The following KIAA0319 variants were observed in gnomAD, a reference collection of about 807,000 sequenced individuals.
KIAA0319 encodes the protein KIAA0319.
A neutral mutation model predicts 108.4 loss-of-function variants in KIAA0319; 83 were observed. That is an observed-to-expected ratio of 0.77 (90% CI 0.64 to 0.92). KIAA0319 has a LOEUF of 0.92. Ranked by LOEUF, KIAA0319 falls within the 40% of genes least tolerant of loss-of-function variation. KIAA0319 has a pLI of 0.00. For missense variants in KIAA0319, 1,195 were observed against 1,322.4 expected, an observed-to-expected ratio of 0.90 and a Z score of 1.49; for synonymous variants, 484 against 510.4, an observed-to-expected ratio of 0.95 and a Z score of 0.70.
intron 1 of KIAA0319, among the ~76,000 whole-genome samples, chr6:24,629,523 A>AAAAAAAAAAAAAAAAAAAG (rs1472154248): frequency 2.0e-5 from 3 of 147,782 alleles, no homozygotes; most frequent in Non-Finnish European, 4.5e-5. Flanking sequence ...TCAAAAAAAA[A>AAAAAAAAAAAAAAAAAAAG]AAAAAAAAGA....
chr6:24,635,873 TC>T (rs1776140001), intron 1 of KIAA0319, among the ~76,000 whole-genome samples: 1 of 152,234 alleles, frequency 6.6e-6, no homozygotes, highest in African/African-American at 2.4e-5. Flanking sequence ...GGCAAGTTGT[TC>T]CGTAGCAATA....
downstream of KIAA0319, among the ~76,000 whole-genome samples, chr6:24,541,419 TCA>T (rs947990313): frequency 6.6e-6 from 1 of 152,192 alleles, no homozygotes; most frequent in African/African-American, 2.4e-5. Flanking sequence ...ACTTAATTAA[TCA>T]CATCTCTTTA....
At chr6:24,625,694 A>C (rs1774617890) in intron 1 of KIAA0319, among the ~76,000 whole-genome samples, 2 of 152,246 alleles carry the variant, frequency 1.3e-5, no homozygotes, top group South Asian at 4.1e-4. Flanking sequence ...GTCCACAAAA[A>C]TATGACTAGA....
chr6:24,549,466 G>A (rs1761142820), intron 20 of KIAA0319, among the ~76,000 whole-genome samples: 1 of 152,100 alleles, frequency 6.6e-6, no homozygotes, highest in African/African-American at 2.4e-5. Context: ...AGAACTGTGG[G>A]TAATAAATAT....
intron 3 of KIAA0319, 118 bp from the exon 4 acceptor site, chr6:24,588,903 T>C: frequency 1.3e-6 from 1 of 787,820 alleles, no homozygotes; most frequent in South Asian, 1.8e-5. Context: ...TGAAAAACCA[T>C]GAATAATATT....
chr6:24,578,749 T>A (rs1765911467), intron 8 of KIAA0319, among the ~76,000 whole-genome samples: 1 of 152,138 alleles, frequency 6.6e-6, no homozygotes, highest in African/African-American at 2.4e-5. Flanking sequence ...AGAACAAACA[T>A]AATGTGCCAT....
chr6:24,636,545 T>C (rs1177322438), intron 1 of KIAA0319, among the ~76,000 whole-genome samples: 4 of 152,110 alleles, frequency 2.6e-5, no homozygotes, highest in African/African-American at 9.7e-5. Context: ...CTGTGAAAAC[T>C]GAAGGAAGAA....
In KIAA0319 at chr6:24,599,098, A is replaced by T; in HGVS notation, c.55+1951T>A. 1 of 706,460 alleles carries T rather than the reference A, an allele frequency of 1.4e-6. No individual in the cohort carries two copies. The highest frequency in any genetic ancestry group is 2.5e-6 in the Non-Finnish European group (1 of 403,516). The allele number at this position is 706,460 out of a possible 1,614,324, so 43.8% of individuals were successfully genotyped here. ...GACACATCTGTGGTGCTGTCCATGG[A>T]CAACAGCTGGTCCCTGGACATGGAC... On this transcript the variant is annotated intron_variant, in intron 2 of 20. Coordinates refer to ENST00000378214, the MANE Select transcript of KIAA0319 (RefSeq NM_014809.4). This position sits in a 1 kb window ranked among gnomAD's most constrained non-coding sequence, Gnocchi z 4.1.
At chr6:24,628,307 T>C (rs1468999737) in intron 1 of KIAA0319, among the ~76,000 whole-genome samples, 1 of 145,962 alleles carries the variant, frequency 6.9e-6, no homozygotes, top group Non-Finnish European at 1.5e-5. Context: ...ATAATTTTTC[T>C]AAGGAACCTT....
At chr6:24,573,513 T>TG (rs1200280827) in intron 10 of KIAA0319, among the ~76,000 whole-genome samples, 4 of 151,948 alleles carry the variant, frequency 2.6e-5, no homozygotes, top group Non-Finnish European at 4.4e-5. Flanking sequence ...AAAAAGAAAG[T>TG]TGGGTCGCAT....
intron 6 of KIAA0319, 91 bp downstream of exon 6, chr6:24,582,158 A>C: frequency 1.3e-6 from 1 of 763,976 alleles, no homozygotes; most frequent in East Asian, 2.6e-5. Context: ...AAAAGAAGAA[A>C]GACGTTTGGG....
At position 24,615,691 on chromosome 6, in the gene KIAA0319, C is replaced by G. The variant is rs559512480; in HGVS notation, c.-105-14483G>C. 2.0e-5 allele frequency among the ~76,000 whole-genome samples: 3 copies of G among 152,296 alleles called. No homozygotes were observed. The South Asian group carries it at 6.2e-4, about 32-fold the overall frequency. ...CCAAGACCTACTCTGAAGATATAAC[C>G]ACCTTTAACACTTACAGCTCTTCTT... is the stretch of plus-strand genomic sequence containing the variant. On this transcript the variant is annotated intron_variant, in intron 1 of 20. Coordinates refer to ENST00000378214, the MANE Select transcript of KIAA0319 (RefSeq NM_014809.4).
intron 17 of KIAA0319, among the ~76,000 whole-genome samples, chr6:24,558,113 C>G (rs1239631375): frequency 7.5e-6 from 1 of 133,764 alleles, no homozygotes; most frequent in African/African-American, 3.3e-5. Flanking sequence ...ATTTTTGTAG[C>G]TAGAAAAAAA....
intron 1 of KIAA0319, among the ~76,000 whole-genome samples, chr6:24,630,125 G>A (rs1405384316): frequency 6.6e-6 from 1 of 152,042 alleles, no homozygotes; most frequent in Non-Finnish European, 1.5e-5. Context: ...GTTGCCGTGA[G>A]AAGAGATTGT....
At chr6:24,589,674 C>G (rs1768148611) in intron 3 of KIAA0319, among the ~76,000 whole-genome samples, 1 of 152,210 alleles carries the variant, frequency 6.6e-6, no homozygotes, top group Admixed American at 6.5e-5. Flanking sequence ...GTTACTTAAA[C>G]CTCTTTCCTT....
rs528981948 is a variant in KIAA0319 at position 24,642,278 on chromosome 6, GAGAA to G, written c.-106+3454_-106+3457del. ...AGAAAGGGAAGGAAGGAAGGAGAGA[GAGAA>G]AGAAAGAAAGAAGAAAAGAAAAGAA... On this transcript the variant is annotated intron_variant, in intron 1 of 20. Coordinates refer to ENST00000378214, the MANE Select transcript of KIAA0319 (RefSeq NM_014809.4). Among the ~76,000 whole-genome samples the G allele has an allele frequency of 5.0e-3, 754 of 150,624 alleles. 8 individuals are homozygous for G. The highest frequency in any genetic ancestry group is 0.01 in the South Asian group (48 of 4,726).
chr6:24,569,901 A>T lies in KIAA0319; in HGVS notation c.1991+2T>A, dbSNP rs779368692. The T allele has an allele frequency of 8.1e-6, 13 of 1,613,844 alleles. No individual in the cohort carries two copies. Among genetic ancestry groups the T allele is most frequent in the Middle Eastern group, 1.6e-4 (1 of 6,080 alleles). On this transcript the variant is annotated splice_donor_variant, in intron 12 of 20. Transcript: ENST00000378214. LOFTEE classifies it high-confidence loss of function. ...ACCTAGCTCAGTGGCGAGACAGACT[A>T]CCTGACGTGCTCCCAGTGGTAGAAG...
intron 1 of KIAA0319, among the ~76,000 whole-genome samples, chr6:24,619,569 C>A (rs1322231397): frequency 6.6e-6 from 1 of 152,032 alleles, no homozygotes; most frequent in Non-Finnish European, 1.5e-5. Flanking sequence ...TGGAGACATA[C>A]ACTGGGAGGC....
At chr6:24,566,549 C>A in intron 14 of KIAA0319, 48 bp downstream of exon 14, 3 of 1,519,856 alleles carry the variant, frequency 2.0e-6, no homozygotes, top group Non-Finnish European at 1.8e-6. Context: ...CTGACTAATG[C>A]AGATGTAATG....
Sources: gnomAD v4.1 joint callset for allele counts (sites outside exome capture counted in the v4.1 genomes callset) on GRCh38, gnomAD v4.1.1 for gene constraint, Gnocchi (gnomAD v3.1) non-coding constraint, MANE v1.5 for transcripts, NCBI Gene and HGNC (gene_info 2026-07-23, HGNC 2026-07-21) for gene names.